The following BAG3 variants were observed in gnomAD, a reference collection of about 807,000 sequenced individuals.
BAG3 encodes BAG cochaperone 3, also known as BAG family molecular chaperone regulator 3.
A neutral mutation model predicts 40.5 loss-of-function variants in BAG3; 14 were observed. That is an observed-to-expected ratio of 0.35 (90% confidence interval 0.23 to 0.54). The LOEUF (loss-of-function observed/expected upper bound fraction) is 0.54, where lower values mean the gene tolerates loss of function less well. Among genes scored for constraint, BAG3 ranks in the 20% least tolerant of loss-of-function variants. The probability of loss-of-function intolerance (pLI) is 0.91; values close to 1 mark genes in which losing one functional copy is unlikely to be tolerated. For missense variants in BAG3, 788 were observed against 758.6 expected (o/e 1.04, Z -0.46); for synonymous variants, 302 against 307.8 (o/e 0.98, Z 0.20).
intron 1 of BAG3, among the ~76,000 whole-genome samples, chr10:119,656,262 C>A (rs1589622005): frequency 1.3e-5 from 2 of 152,156 alleles, no homozygotes; most frequent in East Asian, 3.8e-4. Context: ...CACGAGTGAA[C>A]CCTGTGTCAC....
chr10:119,654,483 CAG>C lies in BAG3; in HGVS notation c.180+2629_180+2630del, dbSNP rs565422885. On this transcript the variant is annotated intron_variant, in intron 1 of 3. Transcript: ENST00000369085. ...TATTTCGTCTTCTACTGCCGTCTTG[CAG>C]TTGATCTTCCGCCTTCTCCTGAAGT... Among the ~76,000 whole-genome samples the C allele has an allele frequency of 1.9e-3, 289 of 152,364 alleles. 8 individuals are homozygous for C. The highest frequency in any genetic ancestry group is 1.5e-3 in the Non-Finnish European group (103 of 68,030).
At chr10:119,654,100 A>G (rs1365189785) in intron 1 of BAG3, among the ~76,000 whole-genome samples, 1 of 152,226 alleles carries the variant, frequency 6.6e-6, no homozygotes, top group Non-Finnish European at 1.5e-5. Context: ...ATTGCTTTCA[A>G]TCCTGTGCTT....
chr10:119,676,350 A>T, intron 3 of BAG3, 114 bp from the exon 4 acceptor site: 1 of 1,123,510 alleles, frequency 8.9e-7, no homozygotes, highest in Non-Finnish European at 1.3e-6. Context: ...TTATACTATT[A>T]AACTTTTTTT....
chr10:119,672,342 C>T lies in BAG3; in HGVS notation c.595C>T (p.His199Tyr), dbSNP rs780054019. Residue 199 changes from histidine to tyrosine, a missense_variant, in exon 3 of 4, where the codon CAC (histidine) becomes TAC (tyrosine). His to Tyr is a moderately conservative substitution (Grantham distance 83, BLOSUM62 2). Transcript: ENST00000369085. This position sits in a 1 kb window ranked among gnomAD's most constrained non-coding sequence, Gnocchi z 4.8. ...CTCCGGCAGGAGCAGCCTGGGCAGT[C>T]ACCAGCTCCCGCGGGGGTACATCTC... The part of the protein sequence containing the change: ...PSSGRSSLGS[H>Y]QLPRGYISIP... The T allele has an allele frequency of 6.2e-7, 1 of 1,614,102 alleles. No individual in the cohort carries two copies. Among genetic ancestry groups the T allele is most frequent in the Admixed American group, 1.7e-5 (1 of 60,030 alleles).
intron 1 of BAG3, among the ~76,000 whole-genome samples, chr10:119,655,967 A>G (rs1382125678): frequency 2.0e-5 from 3 of 152,176 alleles, no homozygotes; most frequent in Admixed American, 6.5e-5. Flanking sequence ...AGAAAGCTTC[A>G]TACCACCCAT....
rs1415830597 is a variant in BAG3, at chr10:119,672,445, A to G, written c.698A>G (p.Tyr233Cys). The part of the protein sequence containing the change: ...PSFHQAQKTH[Y>C]PAQQGEYQTH... ...TTCCACCAAGCCCAGAAGACGCACT[A>G]CCCAGCGCAGCAGGGGGAGTACCAG... The change falls in exon 3 of 4, where the codon TAC (tyrosine) becomes TGC (cysteine). Residue 233 changes from tyrosine to cysteine, a missense_variant. Transcript: ENST00000369085. The surrounding 1 kb of genome is among the most constrained non-coding windows in gnomAD (Gnocchi z 4.8). The G allele has an allele frequency of 1.9e-5, 30 of 1,614,004 alleles. No individual in the cohort carries two copies. Among genetic ancestry groups the G allele is most frequent in the Non-Finnish European group, 2.3e-5 (27 of 1,180,036 alleles).
At chr10:119,676,331 G>A (rs886913016) in intron 3 of BAG3, 133 bp from the exon 4 acceptor site, 11 of 899,320 alleles carry the variant, frequency 1.2e-5, no homozygotes, top group Non-Finnish European at 1.7e-5. Flanking sequence ...GATTGACTTT[G>A]AAAATCTTTT....
intron 1 of BAG3, among the ~76,000 whole-genome samples, chr10:119,655,821 T>C (rs1846902048): frequency 6.6e-6 from 1 of 152,100 alleles, no homozygotes; most frequent in Non-Finnish European, 1.5e-5. Flanking sequence ...TCCGAGAACA[T>C]CATTTGTCCC....
chr10:119,672,188 G>A lies in BAG3; in HGVS notation c.508-67G>A, dbSNP rs570390738. ...CCTGAGGAGGTGCACAGCAGAAGGC[G>A]TGGTCAGGATGCCAAGCCAGGGGAG... is the stretch of plus-strand genomic sequence containing the variant. On this transcript the variant is annotated intron_variant, in intron 2 of 3. Transcript: ENST00000369085. This position sits in a 1 kb window ranked among gnomAD's most constrained non-coding sequence, Gnocchi z 4.8. The A allele has an allele frequency of 7.5e-6, 12 of 1,593,196 alleles. 1 individual carries two copies. Among genetic ancestry groups the A allele is most frequent in the Admixed American group, 6.7e-5 (4 of 59,992 alleles).
At chr10:119,656,070 A>G (rs1661722125) in intron 1 of BAG3, among the ~76,000 whole-genome samples, 3 of 152,180 alleles carry the variant, frequency 2.0e-5, no homozygotes, top group Admixed American at 2.0e-4. Context: ...ATTGACATTT[A>G]AAAATGATGT....
At chr10:119,675,769 CTCCTT>C (rs1847211145) in intron 3 of BAG3, among the ~76,000 whole-genome samples, 1 of 105,972 alleles carries the variant, frequency 9.4e-6, no homozygotes, top group Non-Finnish European at 2.1e-5. Context: ...CCTTCCTTCC[CTCCTT>C]CCCTCCCCCT....
At chr10:119,667,754 G>A (rs1847086168) in intron 1 of BAG3, among the ~76,000 whole-genome samples, 1 of 152,206 alleles carries the variant, frequency 6.6e-6, no homozygotes, top group Admixed American at 6.5e-5. Flanking sequence ...ATGAGGGTTT[G>A]CTCACTGCTG....
intron 1 of BAG3, among the ~76,000 whole-genome samples, chr10:119,655,907 A>G (rs1454028631): frequency 1.3e-5 from 2 of 152,084 alleles, no homozygotes; most frequent in Non-Finnish European, 2.9e-5. Context: ...GACGTTGGCC[A>G]GGGCTGGGAA....
At chr10:119,652,745 A>T (rs1432919304) in intron 1 of BAG3, among the ~76,000 whole-genome samples, 1 of 152,220 alleles carries the variant, frequency 6.6e-6, no homozygotes, top group Non-Finnish European at 1.5e-5. Context: ...TAACTGACTA[A>T]TGATACTCTT....
intron 3 of BAG3, among the ~76,000 whole-genome samples, chr10:119,675,879 C>CTT (rs1847222925): frequency 3.0e-4 from 5 of 16,912 alleles, no homozygotes; most frequent in South Asian, 3.0e-3. Flanking sequence ...CCCCCTTCTC[C>CTT]CCTTCCTTCC....
intron 1 of BAG3, among the ~76,000 whole-genome samples, chr10:119,667,370 T>C (rs764188117): frequency 1.3e-5 from 2 of 152,234 alleles, no homozygotes; most frequent in Admixed American, 6.5e-5. Flanking sequence ...TTGCCAGTCT[T>C]CCGGGCATCC....
At position 119,677,140 on chromosome 10, in the gene BAG3, C is replaced by G. The variant is rs369690617; in HGVS notation, c.1586C>G (p.Ala529Gly). ...QPLQAIMEMGAVAADKGKKNA... is the reference protein window; with the variant it reads ...QPLQAIMEMGGVAADKGKKNA... ...CTGCAGGCAATCATGGAGATGGGTGCCGTGGCAGCAGACAAGGGCAAGAAA... is the reference window on the plus strand; with the variant it reads ...CTGCAGGCAATCATGGAGATGGGTGGCGTGGCAGCAGACAAGGGCAAGAAA... Residue 529 changes from alanine (A) to glycine (G), a missense_variant, in exon 4 of 4, where the codon GCC becomes GGC. Physicochemically the swap from Ala to Gly is moderately conservative, Grantham distance 60. Coordinates refer to ENST00000369085, the MANE Select transcript of BAG3 (RefSeq NM_004281.4). 3 of 1,614,002 alleles carry G rather than the reference C, an allele frequency of 1.9e-6. No individual in the cohort carries two copies. Among genetic ancestry groups the G allele is most frequent in the Non-Finnish European group, 2.5e-6 (3 of 1,180,028 alleles).
intron 1 of BAG3, among the ~76,000 whole-genome samples, chr10:119,665,613 A>T (rs750968986): frequency 2.6e-5 from 4 of 152,090 alleles, no homozygotes; most frequent in Non-Finnish European, 5.9e-5. Flanking sequence ...AAGCGGAAGC[A>T]TTTGCTGTTG....
At chr10:119,657,610 G>T (rs35201406) in intron 1 of BAG3, 5 of 470,920 alleles carry the variant, frequency 1.1e-5, no homozygotes, top group Middle Eastern at 3.2e-4. Context: ...AAGAACTGCA[G>T]AGTTGTCCTG....
Sources: allele counts gnomAD v4.1 joint callset (sites outside exome capture counted in the v4.1 genomes callset), GRCh38; gene constraint gnomAD v4.1.1; non-coding constraint Gnocchi (gnomAD v3.1); transcripts MANE v1.5; gene names NCBI Gene and HGNC (gene_info 2026-07-23, HGNC 2026-07-21).